Variants in ALK observed in about 807,000 individuals in gnomAD.
The protein encoded by ALK is ALK tyrosine kinase receptor.
ALK carries 74 observed loss-of-function variants against 163.1 expected under a neutral mutation model. The ratio of observed to expected loss-of-function variants is 0.45; its 90% confidence interval spans 0.38 to 0.55. ALK has a LOEUF of 0.55. Among genes scored for constraint, ALK ranks in the 20% least tolerant of loss-of-function variants. The probability of loss-of-function intolerance (pLI) is 0.00; values close to 1 mark genes in which losing one functional copy is unlikely to be tolerated. For synonymous variants in ALK, 960 were observed against 843.2 expected, an observed-to-expected ratio of 1.14 and a Z score of -2.40; for missense variants, 2,063 against 2,105.3, an observed-to-expected ratio of 0.98 and a Z score of 0.39.
intron 1 of ALK, among the ~76,000 whole-genome samples, chr2:29,856,536 G>C (rs75610596): frequency 0.013 from 2,026 of 152,316 alleles, 51 homozygotes; most frequent in East Asian, 0.096. Context: ...TTTGCTCGAG[G>C]TTGTGCAGTT....
chr2:29,551,381 T>G lies in ALK; in HGVS notation c.953-19265A>C, dbSNP rs538843851. 1.2e-3 allele frequency among the ~76,000 whole-genome samples: 183 copies of G among 152,282 alleles called. No individual in the cohort carries two copies. The South Asian group carries it at 0.014, about 12-fold the overall frequency. On this transcript the variant is annotated intron_variant, in intron 3 of 28. Coordinates refer to ENST00000389048, the MANE Select transcript of ALK (RefSeq NM_004304.5). ...ATTAATAACAATAGCTTTCTTTTAC[T>G]GAGTACCAGACACTGTGCTTATATA... is the stretch of plus-strand genomic sequence containing the variant.
At chr2:29,816,129 T>C (rs1010943205) in intron 1 of ALK, among the ~76,000 whole-genome samples, 1 of 152,166 alleles carries the variant, frequency 6.6e-6, no homozygotes, top group African/African-American at 2.4e-5. Context: ...TTCGAGAAGA[T>C]AAAGTATTTT....
chr2:29,750,670 AG>A, intron 1 of ALK, among the ~76,000 whole-genome samples: 5 of 133,536 alleles, frequency 3.7e-5, no homozygotes, highest in Admixed American at 3.7e-4. Flanking sequence ...GAAGGAAGGA[AG>A]GAAGGAAGGA....
rs114491275 is a variant in ALK, at chr2:29,500,897, C to T, written c.1154+31018G>A. ...TTGCTCATCTCTGATTTGCTCCCTA[C>T]CACATTGACACAACCCCAGTCCCCA... On this transcript the variant is annotated intron_variant, in intron 4 of 28. Transcript: ENST00000389048. Among the ~76,000 whole-genome samples the T allele has an allele frequency of 1.1e-3, 172 of 152,308 alleles. 1 individual carries two copies. Among genetic ancestry groups the T allele is most frequent in the African/African-American group, 4.0e-3 (167 of 41,562 alleles).
At chr2:29,332,202 C>G (rs897129847) in intron 5 of ALK, among the ~76,000 whole-genome samples, 1 of 143,888 alleles carries the variant, frequency 6.9e-6, no homozygotes, top group African/African-American at 2.6e-5. Context: ...AGGAGAACCG[C>G]TTGAACCAGG....
chr2:29,882,887 A>T (rs1185258539), intron 1 of ALK, among the ~76,000 whole-genome samples: 1 of 152,258 alleles, frequency 6.6e-6, no homozygotes, highest in Non-Finnish European at 1.5e-5. Flanking sequence ...AGATGTGATT[A>T]TCTGAAGTTC....
rs1033836499 is a variant in ALK at position 29,192,950 on chromosome 2, A to G, written c.*274T>C. 2.0e-6 allele frequency: 1 copy of G among 488,810 alleles called. No homozygotes were observed. Among genetic ancestry groups the G allele is most frequent in the African/African-American group, 1.9e-5 (1 of 52,226 alleles). The allele number at this position is 488,810 out of a possible 1,614,324, so 30.3% of individuals were successfully genotyped here. On this transcript the variant is annotated 3_prime_UTR_variant, in exon 29 of 29. Coordinates refer to ENST00000389048, the MANE Select transcript of ALK (RefSeq NM_004304.5). Reference sequence around the variant, plus strand: ...TGAAAGAAGCATAAGGAAGTATACAACAAACATGCATAAAAACCTTATGCA... The same window carrying G: ...TGAAAGAAGCATAAGGAAGTATACAGCAAACATGCATAAAAACCTTATGCA...
chr2:29,896,198 G>A (rs1323936289), intron 1 of ALK, among the ~76,000 whole-genome samples: 1 of 152,132 alleles, frequency 6.6e-6, no homozygotes, highest in Non-Finnish European at 1.5e-5. Context: ...GAGGAAATGG[G>A]TCTTAGAGGA....
rs961156193 is a variant in ALK, at chr2:29,554,754, G to A, written c.953-22638C>T. On this transcript the variant is annotated intron_variant, in intron 3 of 28. Coordinates refer to ENST00000389048, the MANE Select transcript of ALK (RefSeq NM_004304.5). ...TGGGCTGCATTCCCAGACAGTTCAG[G>A]CATTCTATGCCACAGGATGAGATAG... Among the ~76,000 whole-genome samples the A allele has an allele frequency of 2.0e-5, 3 of 152,178 alleles. No homozygotes were observed. In the East Asian group the frequency reaches 5.8e-4, roughly 29 times the overall value.
chr2:29,822,420 C>T (rs550327442), intron 1 of ALK, among the ~76,000 whole-genome samples: 6 of 152,306 alleles, frequency 3.9e-5, no homozygotes, highest in Admixed American at 3.3e-4. Context: ...ATTCATGTGG[C>T]CAAGTCTGAA....
At chr2:29,332,102 T>C (rs1020860060) in intron 5 of ALK, among the ~76,000 whole-genome samples, 5 of 151,580 alleles carry the variant, frequency 3.3e-5, no homozygotes, top group South Asian at 2.1e-4. Flanking sequence ...TGGGCTAACA[T>C]GGTGAAACCC....
At chr2:29,838,459 A>C (rs1558512320) in intron 1 of ALK, among the ~76,000 whole-genome samples, 1 of 152,154 alleles carries the variant, frequency 6.6e-6, no homozygotes. Flanking sequence ...AGAAAGATAA[A>C]AGATTTGTAT....
chr2:29,250,658 T>G (rs2148196735), intron 12 of ALK, among the ~76,000 whole-genome samples: 1 of 152,202 alleles, frequency 6.6e-6, no homozygotes, highest in African/African-American at 2.4e-5. Context: ...GGAGGAGCGT[T>G]CCAGAACAGT....
intron 3 of ALK, among the ~76,000 whole-genome samples, chr2:29,649,516 C>A (rs1344266461): frequency 2.6e-5 from 4 of 151,980 alleles, no homozygotes; most frequent in Non-Finnish European, 5.9e-5. Context: ...GGTGATTGGG[C>A]CAGGAATGAA....
intron 3 of ALK, among the ~76,000 whole-genome samples, chr2:29,574,979 C>G (rs1674482359): frequency 6.6e-6 from 1 of 152,172 alleles, no homozygotes; most frequent in Non-Finnish European, 1.5e-5. Context: ...TCAGAGAATT[C>G]AGGCAGGCAC....
intron 12 of ALK, 22 bp from the exon 13 acceptor site, chr2:29,239,852 T>G: frequency 1.2e-6 from 2 of 1,610,164 alleles, no homozygotes; most frequent in Non-Finnish European, 1.7e-6. Flanking sequence ...CAAAGAACGT[T>G]GGCTCCCGCT....
intron 4 of ALK, among the ~76,000 whole-genome samples, chr2:29,436,156 C>T (rs1336779778): frequency 6.6e-6 from 1 of 152,102 alleles, no homozygotes; most frequent in Non-Finnish European, 1.5e-5. Flanking sequence ...ATAAAGGAAA[C>T]AAAGAGTCTC....
chr2:29,549,393 C>T (rs1419422696), intron 3 of ALK, among the ~76,000 whole-genome samples: 3 of 152,098 alleles, frequency 2.0e-5, no homozygotes, highest in African/African-American at 4.8e-5. Context: ...ATTTGGACAG[C>T]GTTTTATGAT....
intron 3 of ALK, among the ~76,000 whole-genome samples, chr2:29,635,507 G>A (rs1044192328): frequency 5.3e-5 from 8 of 152,190 alleles, no homozygotes; most frequent in Non-Finnish European, 1.0e-4. Context: ...AGCTGGAAGA[G>A]GCAAGGAAAG....
Sources: gnomAD v4.1 joint callset for allele counts (sites outside exome capture counted in the v4.1 genomes callset) on GRCh38, gnomAD v4.1.1 for gene constraint, MANE v1.5 for transcripts, NCBI Gene and HGNC (gene_info 2026-07-23, HGNC 2026-07-21) for gene names.